ERBB4: variants seen among roughly 807,000 people sequenced by gnomAD.
The protein encoded by ERBB4 is receptor tyrosine-protein kinase erbB-4.
Under a neutral mutation model 158.0 loss-of-function variants are expected in ERBB4, and 42 were observed. The ratio of observed to expected loss-of-function variants is 0.27; its 90% confidence interval spans 0.21 to 0.34. ERBB4 has a LOEUF of 0.34. Ranked by LOEUF, ERBB4 falls within the 10% of genes least tolerant of loss-of-function variation. The pLI is 1.00. For synonymous variants in ERBB4, 583 were observed against 558.7 expected (o/e 1.04, Z -0.61); for missense variants, 1,333 against 1,624.1 (o/e 0.82, Z 3.08).
At chr2:211,533,100 T>C (rs2066545826) in intron 20 of ERBB4, among the ~76,000 whole-genome samples, 1 of 151,868 alleles carries the variant, frequency 6.6e-6, no homozygotes, top group African/African-American at 2.4e-5. Context: ...TACCTTCCTT[T>C]TTTCATTTTG....
At chr2:211,653,965 C>T (rs929008926) in intron 16 of ERBB4, among the ~76,000 whole-genome samples, 1 of 152,116 alleles carries the variant, frequency 6.6e-6, no homozygotes, top group Admixed American at 6.5e-5. Context: ...TGAGCCACCG[C>T]GCCCTGCCCA....
intron 3 of ERBB4, among the ~76,000 whole-genome samples, chr2:211,920,342 T>A (rs1433120106): frequency 2.6e-5 from 4 of 152,110 alleles, no homozygotes; most frequent in Admixed American, 2.6e-4. Context: ...ATAGTTTTAT[T>A]TTCATTACTA....
At position 211,420,454 on chromosome 2, in the gene ERBB4, A is replaced by T; in HGVS notation, c.3122T>A (p.Ile1041Asn). 1 of 1,611,200 alleles carries T rather than the reference A, an allele frequency of 6.2e-7. No individual in the cohort carries two copies. The highest frequency in any genetic ancestry group is 1.3e-5 in the African/African-American group (1 of 74,930). ...PPPIYTSRAR[I>N]DSNRSEIGHS... ...ATTATTTCTTACCCTATTCGAGTCAATTCTTGCTCTGGAAGTATAGATGGG... is the reference window on the plus strand; with the variant it reads ...ATTATTTCTTACCCTATTCGAGTCATTTCTTGCTCTGGAAGTATAGATGGG... The change falls in exon 25 of 28, where the codon ATT becomes AAT. Residue 1041 changes from isoleucine to asparagine, a missense_variant. By Grantham distance (149) the Ile-to-Asn change is moderately radical. Transcript: ENST00000342788.
intron 2 of ERBB4, among the ~76,000 whole-genome samples, chr2:212,006,768 G>A (rs1448879921): frequency 6.6e-6 from 1 of 151,948 alleles, no homozygotes; most frequent in Non-Finnish European, 1.5e-5. Context: ...TGTGACAATA[G>A]TCTTCTAGGC....
At chr2:211,577,426 A>G in intron 19 of ERBB4, among the ~76,000 whole-genome samples, 1 of 151,948 alleles carries the variant, frequency 6.6e-6, no homozygotes, top group East Asian at 1.9e-4. Context: ...GCGGTGGATA[A>G]AAATATGATC....
At position 211,377,091 on chromosome 2, in the gene ERBB4, G is replaced by C. The variant is rs1315583822; in HGVS notation, c.*6524C>G. On this transcript the variant is annotated 3_prime_UTR_variant, in exon 28 of 28. Transcript: ENST00000342788. ...GTAATCCCAAAAGGGTTCTTGGAGT[G>C]CTATGGTTGTAGTCCCCTCACTCCC... 1 of 232,906 alleles carries C rather than the reference G, an allele frequency of 4.3e-6. No homozygotes were observed. The highest frequency in any genetic ancestry group is 8.5e-6 in the Non-Finnish European group (1 of 117,660). 14.4% of individuals were successfully genotyped at this position (232,906 alleles called of 1,614,324 possible).
At chr2:211,644,692 G>A (rs1351363957) in intron 16 of ERBB4, among the ~76,000 whole-genome samples, 1 of 151,858 alleles carries the variant, frequency 6.6e-6, no homozygotes, top group Non-Finnish European at 1.5e-5. Context: ...CATATGTAAT[G>A]CTATGTATTG....
At chr2:212,445,035 G>A (rs149565603) in intron 1 of ERBB4, among the ~76,000 whole-genome samples, 22 of 151,902 alleles carry the variant, frequency 1.4e-4, no homozygotes, top group African/African-American at 4.6e-4. Flanking sequence ...TCTGACCAAG[G>A]CACTCACTTT....
intron 2 of ERBB4, among the ~76,000 whole-genome samples, chr2:212,121,337 C>T (rs1483155895): frequency 6.6e-6 from 1 of 152,128 alleles, no homozygotes; most frequent in Non-Finnish European, 1.5e-5. Context: ...ATTCTCCTTC[C>T]TCAGCCTCCC....
At chr2:212,062,878 T>G (rs1407471850) in intron 2 of ERBB4, among the ~76,000 whole-genome samples, 1 of 152,228 alleles carries the variant, frequency 6.6e-6, no homozygotes, top group African/African-American at 2.4e-5. Context: ...CACCATTTAC[T>G]ACATCTCTGA....
At chr2:211,918,207 T>C (rs761655979) in intron 3 of ERBB4, among the ~76,000 whole-genome samples, 2 of 152,214 alleles carry the variant, frequency 1.3e-5, no homozygotes, top group Non-Finnish European at 2.9e-5. Flanking sequence ...TAGTAGTTCC[T>C]GTAAAAGTTC....
intron 2 of ERBB4, among the ~76,000 whole-genome samples, chr2:212,052,860 A>G (rs1475545740): frequency 1.3e-5 from 2 of 152,216 alleles, no homozygotes; most frequent in Non-Finnish European, 2.9e-5. Flanking sequence ...AGTTGCTCAG[A>G]GAGGTGAATG....
rs75174816 is a variant in ERBB4, at chr2:211,584,491, C to G, written c.2302-22403G>C. Among the ~76,000 whole-genome samples the G allele has an allele frequency of 9.7e-3, 1,468 of 152,084 alleles. 23 individuals are homozygous for G. Among genetic ancestry groups the G allele is most frequent in the African/African-American group, 0.032 (1,341 of 41,516 alleles). On this transcript the variant is annotated intron_variant, in intron 19 of 27. Coordinates refer to ENST00000342788, the MANE Select transcript of ERBB4 (RefSeq NM_005235.3). Reference sequence around the variant, plus strand: ...TAAGACCCCACAGTGTGTAATGGAGCAACTTTATTTGATCTAATGTTGGTT... The same window carrying G: ...TAAGACCCCACAGTGTGTAATGGAGGAACTTTATTTGATCTAATGTTGGTT...
chr2:211,793,554 CAGT>C (rs1177807913), intron 3 of ERBB4, among the ~76,000 whole-genome samples: 1 of 151,912 alleles, frequency 6.6e-6, no homozygotes. Context: ...CCACAGAAAG[CAGT>C]TACAAGACTT....
intron 1 of ERBB4, among the ~76,000 whole-genome samples, chr2:212,188,238 CCCCCT>C (rs1417248468): frequency 1.7e-4 from 7 of 40,382 alleles, no homozygotes; most frequent in Non-Finnish European, 3.3e-4. Context: ...CTCTCTCCCC[CCCCCT>C]CTCACCCCCT....
intron 1 of ERBB4, among the ~76,000 whole-genome samples, chr2:212,191,915 TTA>T (rs1432450088): frequency 1.5e-4 from 18 of 120,808 alleles, no homozygotes; most frequent in Admixed American, 4.4e-4. Flanking sequence ...GATACATATG[TTA>T]TATATGTTAT....
Position 211,560,262 on chromosome 2 carries a change from C to CTTTTTTTT in ERBB4, c.2487+1633_2487+1640dup, listed in dbSNP as rs769707072. ...CAGCACTAACAAATTTGAAGCTTAG[C>CTTTTTTTT]TTTTTTTTTTTTTTTTTTTTTTTTT... On this transcript the variant is annotated intron_variant, in intron 20 of 27. Coordinates refer to ENST00000342788, the MANE Select transcript of ERBB4 (RefSeq NM_005235.3). 7.6e-4 allele frequency among the ~76,000 whole-genome samples: 35 copies of CTTTTTTTT among 46,312 alleles called. 6 individuals are homozygous for CTTTTTTTT. The highest frequency in any genetic ancestry group is 2.4e-3 in the African/African-American group (25 of 10,454). The allele number at this position is 46,312 out of a possible 152,430, so 30.4% of individuals were successfully genotyped here. A position where few individuals can be genotyped will look rare whatever the true frequency, so the allele number is the denominator to read the frequency against.
chr2:211,569,959 T>C (rs1574772603), intron 19 of ERBB4, among the ~76,000 whole-genome samples: 1 of 152,186 alleles, frequency 6.6e-6, no homozygotes, highest in Non-Finnish European at 1.5e-5. Context: ...CAATATCATA[T>C]AATTTTCTCC....
At chr2:212,019,632 G>A (rs1370569481) in intron 2 of ERBB4, among the ~76,000 whole-genome samples, 4 of 151,582 alleles carry the variant, frequency 2.6e-5, no homozygotes, top group Middle Eastern at 3.2e-3. Flanking sequence ...GCATGGTGGC[G>A]GGCGCCTGTA....
Sources: gnomAD v4.1 joint callset for allele counts (sites outside exome capture counted in the v4.1 genomes callset) on GRCh38, gnomAD v4.1.1 for gene constraint, MANE v1.5 for transcripts, NCBI Gene and HGNC (gene_info 2026-07-23, HGNC 2026-07-21) for gene names.